The following GRM7 variants were observed in gnomAD, a reference collection of about 807,000 sequenced individuals.
GRM7 encodes the protein glutamate metabotropic receptor 7.
In GRM7, 35 loss-of-function variants were observed where a neutral mutation model predicts 84.5. The ratio of observed to expected loss-of-function variants is 0.41; its 90% confidence interval spans 0.32 to 0.55. The LOEUF (loss-of-function observed/expected upper bound fraction) is 0.55, where lower values mean the gene tolerates loss of function less well. Ranked by LOEUF, GRM7 falls within the 20% of genes least tolerant of loss-of-function variation. The pLI, the probability that GRM7 is intolerant of heterozygous loss-of-function variation, is 0.19. For synonymous variants in GRM7, 487 were observed against 455.1 expected, an observed-to-expected ratio of 1.07 and a Z score of -0.89; for missense variants, 1,003 against 1,194.6, an observed-to-expected ratio of 0.84 and a Z score of 2.36.
intron 2 of GRM7, among the ~76,000 whole-genome samples, chr3:7,257,563 C>T (rs780740715): frequency 1.3e-5 from 2 of 152,156 alleles, no homozygotes; most frequent in Non-Finnish European, 2.9e-5. Context: ...AGGGCAAAAC[C>T]ATGAATATGA....
At chr3:7,690,868 T>TA (rs1250082295) in intron 9 of GRM7, among the ~76,000 whole-genome samples, 1 of 152,222 alleles carries the variant, frequency 6.6e-6, no homozygotes, top group Non-Finnish European at 1.5e-5. Context: ...TTTATCATGA[T>TA]ACCAAATATC....
chr3:7,558,708 C>T (rs1477958629), intron 7 of GRM7, among the ~76,000 whole-genome samples: 1 of 152,072 alleles, frequency 6.6e-6, no homozygotes, highest in Admixed American at 6.6e-5. Context: ...TTATCATTTT[C>T]AAGCTCTAGA....
At chr3:7,135,371 A>C (rs529724936) in intron 1 of GRM7, among the ~76,000 whole-genome samples, 1 of 152,204 alleles carries the variant, frequency 6.6e-6, no homozygotes, top group Non-Finnish European at 1.5e-5. Context: ...CTAACTGTGA[A>C]CTTAATAATG....
chr3:7,529,528 A>T (rs886240174), intron 7 of GRM7, among the ~76,000 whole-genome samples: 1 of 152,100 alleles, frequency 6.6e-6, no homozygotes, highest in Non-Finnish European at 1.5e-5. Context: ...GGTCAAGATC[A>T]TTAACATTAT....
intron 4 of GRM7, among the ~76,000 whole-genome samples, chr3:7,308,152 C>A (rs1225559098): frequency 6.6e-6 from 1 of 152,144 alleles, no homozygotes; most frequent in Non-Finnish European, 1.5e-5. Flanking sequence ...CCTTCCAGTT[C>A]TTTAAGAATG....
At chr3:7,142,788 A>G (rs1693991580) in intron 1 of GRM7, among the ~76,000 whole-genome samples, 1 of 152,146 alleles carries the variant, frequency 6.6e-6, no homozygotes, top group African/African-American at 2.4e-5. Context: ...TATAAATAGC[A>G]TATGTTGTTA....
chr3:7,121,742 A>G (rs569908877), intron 1 of GRM7, among the ~76,000 whole-genome samples: 2 of 152,312 alleles, frequency 1.3e-5, no homozygotes, highest in South Asian at 4.1e-4. Context: ...TTTTATGGAT[A>G]AAGCTGAAAA....
At chr3:7,328,323 G>A (rs1018591816) in intron 4 of GRM7, among the ~76,000 whole-genome samples, 1 of 152,274 alleles carries the variant, frequency 6.6e-6, no homozygotes, top group Non-Finnish European at 1.5e-5. Flanking sequence ...TTTGAAGAAA[G>A]GTTTGATGTA....
chr3:7,228,186 G>A (rs1697045304), intron 2 of GRM7, among the ~76,000 whole-genome samples: 1 of 152,118 alleles, frequency 6.6e-6, no homozygotes, highest in East Asian at 1.9e-4. Context: ...CACATGAACT[G>A]AGAACAGATA....
In GRM7 at chr3:7,544,988, A is replaced by G. The variant is rs189935125; in HGVS notation, c.1516-33434A>G. On this transcript the variant is annotated intron_variant, in intron 7 of 9. Coordinates refer to ENST00000357716, the MANE Select transcript of GRM7 (RefSeq NM_000844.4). ...TTAATACTGCAAGTTATATGTCAAC[A>G]GGAAATATGTATCTTGTTTGAACAG... Among the ~76,000 whole-genome samples, 4 of 152,368 alleles carry G rather than the reference A, an allele frequency of 2.6e-5. No homozygotes were observed. In the East Asian group the frequency reaches 7.7e-4, roughly 29 times the overall value.
chr3:7,088,030 G>A (rs1443163041), intron 1 of GRM7, among the ~76,000 whole-genome samples: 2 of 152,148 alleles, frequency 1.3e-5, no homozygotes, highest in East Asian at 3.9e-4. Flanking sequence ...CAACATTTCT[G>A]AACCTCACTT....
intron 8 of GRM7, among the ~76,000 whole-genome samples, chr3:7,625,572 G>C (rs1697571814): frequency 6.6e-6 from 1 of 152,156 alleles, no homozygotes; most frequent in Non-Finnish European, 1.5e-5. Flanking sequence ...GGGAGGCTGA[G>C]GCAGGAGGAT....
At chr3:7,388,964 A>G (rs977734296) in intron 4 of GRM7, among the ~76,000 whole-genome samples, 47 of 151,814 alleles carry the variant, frequency 3.1e-4, no homozygotes, top group African/African-American at 1.1e-3. Context: ...TTTAAATGTG[A>G]ATTTAGGTTG....
chr3:7,610,667 A>G (rs1185455650), intron 8 of GRM7, among the ~76,000 whole-genome samples: 1 of 152,206 alleles, frequency 6.6e-6, no homozygotes, highest in Non-Finnish European at 1.5e-5. Flanking sequence ...GTATATCCAA[A>G]GGAAGCATCT....
chr3:7,177,560 G>A (rs1416454803), intron 2 of GRM7, among the ~76,000 whole-genome samples: 1 of 149,804 alleles, frequency 6.7e-6, no homozygotes, highest in Non-Finnish European at 1.5e-5. Context: ...GAGGGAGGGA[G>A]GAAAGGAAGG....
Position 7,578,808 on chromosome 3 carries a change from G to A in GRM7, c.1902G>A (p.Thr634=), listed in dbSNP as rs757876287. The A allele has an allele frequency of 1.5e-5, 24 of 1,613,948 alleles. No individual in the cohort carries two copies. The highest frequency in any genetic ancestry group is 2.2e-5 in the East Asian group (1 of 44,886). Residue 634 remains threonine (T), a synonymous_variant, in exon 8 of 10, where the codon ACG becomes ACA. Transcript: ENST00000357716. ...SGRELSYVLL[T]GIFLCYIITF... ...GGGAACTCAGCTATGTTCTTTTGAC[G>A]GGCATCTTTCTTTGCTACATCATCA...
At chr3:7,573,246 A>G (rs1441758294) in intron 7 of GRM7, among the ~76,000 whole-genome samples, 2 of 145,994 alleles carry the variant, frequency 1.4e-5, no homozygotes, top group Non-Finnish European at 3.1e-5. Context: ...TAATGAACAA[A>G]TGGCATTTTA....
In GRM7 at chr3:7,390,804, G is replaced by GT. The variant is rs200731432; in HGVS notation, c.1034-24210dup. Among the ~76,000 whole-genome samples the GT allele has an allele frequency of 7.7e-4, 116 of 150,396 alleles. 1 individual carries two copies. Among genetic ancestry groups the GT allele is most frequent in the East Asian group, 7.2e-3 (37 of 5,146 alleles). On this transcript the variant is annotated intron_variant, in intron 4 of 9. Transcript: ENST00000357716. ...TCAACTTTTTCTTGGGTCTGGTTGAGTTTTTTTTTGCCTTCCAAATTCTAA... is the reference window on the plus strand; with the variant it reads ...TCAACTTTTTCTTGGGTCTGGTTGAGTTTTTTTTTTGCCTTCCAAATTCTAA...
At chr3:7,535,406 T>C (rs1283436283) in intron 7 of GRM7, 1 of 152,130 alleles carries the variant, frequency 6.6e-6, no homozygotes, top group Non-Finnish European at 1.5e-5. Flanking sequence ...ACAAATGTAA[T>C]ATAGTTATAA....
Sources: gnomAD v4.1 joint callset for allele counts (sites outside exome capture counted in the v4.1 genomes callset) on GRCh38, gnomAD v4.1.1 for gene constraint, MANE v1.5 for transcripts, NCBI Gene and HGNC (gene_info 2026-07-23, HGNC 2026-07-21) for gene names.